RABGAP1L: variants seen among roughly 807,000 people sequenced by gnomAD.
The protein encoded by RABGAP1L is RAB GTPase activating protein 1 like.
In RABGAP1L, 63 loss-of-function variants were observed where a neutral mutation model predicts 137.7. The observed-to-expected ratio is 0.46, with a 90% CI of 0.37 to 0.56. The LOEUF (loss-of-function observed/expected upper bound fraction) is 0.56, where lower values mean the gene tolerates loss of function less well. Ranked by LOEUF, RABGAP1L falls within the 20% of genes least tolerant of loss-of-function variation. The pLI is 0.00. For missense variants in RABGAP1L, 1,095 were observed against 1,244.0 expected (o/e 0.88, Z 1.80); for synonymous variants, 431 against 433.7 (o/e 0.99, Z 0.08).
intron 10 of RABGAP1L, among the ~76,000 whole-genome samples, chr1:174,298,298 T>C (rs1677320954): frequency 6.6e-6 from 1 of 152,140 alleles, no homozygotes; most frequent in African/African-American, 2.4e-5. Context: ...CCAAAGCTGC[T>C]TGCACTCATG....
intron 13 of RABGAP1L, among the ~76,000 whole-genome samples, chr1:174,416,997 A>G (rs1032636371): frequency 1.3e-5 from 2 of 152,032 alleles, no homozygotes; most frequent in Non-Finnish European, 2.9e-5. Context: ...TGTTTGTCCT[A>G]ATACGTATAC....
chr1:174,989,330 T>C (rs1205902796), intron 25 of RABGAP1L, among the ~76,000 whole-genome samples: 1 of 152,242 alleles, frequency 6.6e-6, no homozygotes, highest in African/African-American at 2.4e-5. Flanking sequence ...TAGTCCTGGC[T>C]TCTGATGGAC....
intron 13 of RABGAP1L, among the ~76,000 whole-genome samples, chr1:174,438,523 G>T (rs188023587): frequency 6.6e-6 from 1 of 151,742 alleles, no homozygotes; most frequent in Non-Finnish European, 1.5e-5. Flanking sequence ...TTTGAGGCCA[G>T]CCTGGTCAAC....
At chr1:174,456,159 T>G (rs1656019558) in intron 13 of RABGAP1L, among the ~76,000 whole-genome samples, 1 of 152,134 alleles carries the variant, frequency 6.6e-6, no homozygotes, top group African/African-American at 2.4e-5. Context: ...ATTTTTGAGA[T>G]CATAGAAATT....
intron 14 of RABGAP1L, among the ~76,000 whole-genome samples, chr1:174,665,667 T>C (rs941803045): frequency 6.6e-6 from 1 of 152,048 alleles, no homozygotes; most frequent in Non-Finnish European, 1.5e-5. Context: ...GTTGGCCATG[T>C]TTGGCCAGGC....
chr1:174,370,074 T>A (rs1323239276), intron 11 of RABGAP1L, among the ~76,000 whole-genome samples: 1 of 152,228 alleles, frequency 6.6e-6, no homozygotes, highest in Non-Finnish European at 1.5e-5. Context: ...CTACTGTTCT[T>A]AACACAGATC....
chr1:174,479,121 G>A (rs1407014617), intron 13 of RABGAP1L, among the ~76,000 whole-genome samples: 3 of 152,190 alleles, frequency 2.0e-5, no homozygotes, highest in African/African-American at 7.2e-5. Context: ...CCAATCACTT[G>A]GGGATCTTGC....
chr1:174,915,883 A>G (rs1660781239), intron 19 of RABGAP1L, among the ~76,000 whole-genome samples: 1 of 152,120 alleles, frequency 6.6e-6, no homozygotes, highest in African/African-American at 2.4e-5. Flanking sequence ...TGGCTTTTTA[A>G]AAATTAATGG....
At chr1:174,287,318 G>GT (rs1237048634) in intron 10 of RABGAP1L, among the ~76,000 whole-genome samples, 3 of 152,082 alleles carry the variant, frequency 2.0e-5, no homozygotes, top group African/African-American at 7.2e-5. Context: ...TTGACTTAAA[G>GT]TCTACTTTGT....
At chr1:174,526,233 G>A (rs1663859902) in intron 13 of RABGAP1L, among the ~76,000 whole-genome samples, 1 of 152,086 alleles carries the variant, frequency 6.6e-6, no homozygotes, top group African/African-American at 2.4e-5. Context: ...ATTACGGTTT[G>A]CTAGTATTTT....
chr1:174,621,689 T>C (rs1194982790), intron 13 of RABGAP1L, among the ~76,000 whole-genome samples: 1 of 152,148 alleles, frequency 6.6e-6, no homozygotes, highest in Non-Finnish European at 1.5e-5. Flanking sequence ...TTACACCTTA[T>C]ACAAAAATTA....
At chr1:174,476,361 A>G (rs546348072) in intron 13 of RABGAP1L, among the ~76,000 whole-genome samples, 6 of 152,304 alleles carry the variant, frequency 3.9e-5, no homozygotes, top group African/African-American at 1.2e-4. Context: ...TCAAATTTGA[A>G]TATGTTTTTA....
intron 13 of RABGAP1L, among the ~76,000 whole-genome samples, chr1:174,565,148 G>A (rs1283816640): frequency 6.6e-6 from 1 of 152,120 alleles, no homozygotes; most frequent in African/African-American, 2.4e-5. Context: ...TTATTAGATG[G>A]GATGGGTTTG....
At chr1:174,325,951 TG>T (rs1223370083) in intron 11 of RABGAP1L, among the ~76,000 whole-genome samples, 2 of 152,234 alleles carry the variant, frequency 1.3e-5, no homozygotes, top group Non-Finnish European at 2.9e-5. Flanking sequence ...GGACCTTCCG[TG>T]GGTCTATCCT....
chr1:174,919,102 T>TCC (rs1037611352), intron 19 of RABGAP1L, among the ~76,000 whole-genome samples: 6 of 149,820 alleles, frequency 4.0e-5, no homozygotes, highest in Non-Finnish European at 8.9e-5. Flanking sequence ...CACTGCAACC[T>TCC]CCGCCTCCCA....
intron 13 of RABGAP1L, among the ~76,000 whole-genome samples, chr1:174,538,764 G>T (rs1665103947): frequency 6.6e-6 from 1 of 152,094 alleles, no homozygotes; most frequent in African/African-American, 2.4e-5. Context: ...ACAACTTAGA[G>T]ATAATTTTGT....
intron 13 of RABGAP1L, among the ~76,000 whole-genome samples, chr1:174,521,448 G>C (rs544525316): frequency 1.3e-5 from 2 of 152,056 alleles, no homozygotes; most frequent in African/African-American, 4.8e-5. Flanking sequence ...CAGATTTTTT[G>C]CTTCATGAAT....
In RABGAP1L at chr1:174,387,120, A is replaced by G. The variant is rs549760803; in HGVS notation, c.1560-6875A>G. On this transcript the variant is annotated intron_variant, in intron 12 of 25. Coordinates refer to ENST00000681986, the MANE Select transcript of RABGAP1L (RefSeq NM_001366446.1). ...TTTCTACCTTTGAGGTTTATAATCAATGTAGGTGGGAATGCATACTCATAA... is the reference window on the plus strand; with the variant it reads ...TTTCTACCTTTGAGGTTTATAATCAGTGTAGGTGGGAATGCATACTCATAA... Among the ~76,000 whole-genome samples, 10 of 152,348 alleles carry G rather than the reference A, an allele frequency of 6.6e-5. No homozygotes were observed. The South Asian group carries it at 8.3e-4, about 13-fold the overall frequency.
At chr1:174,351,942 CAG>C (rs1178676786) in intron 11 of RABGAP1L, among the ~76,000 whole-genome samples, 1 of 152,102 alleles carries the variant, frequency 6.6e-6, no homozygotes, top group Non-Finnish European at 1.5e-5. Flanking sequence ...GCTGGGATTA[CAG>C]GCGCCGGCCA....
Sources: allele counts gnomAD v4.1 joint callset (sites outside exome capture counted in the v4.1 genomes callset), GRCh38; gene constraint gnomAD v4.1.1; transcripts MANE v1.5; gene names NCBI Gene and HGNC (gene_info 2026-07-23, HGNC 2026-07-21).